Variants in SYT14 observed in about 807,000 individuals in gnomAD.
The protein encoded by SYT14 is synaptotagmin 14.
SYT14 carries 32 observed loss-of-function variants against 74.2 expected under a neutral mutation model. The ratio of observed to expected loss-of-function variants is 0.43; its 90% CI spans 0.33 to 0.58. SYT14 has a LOEUF of 0.58. SYT14 is among the 20% of genes least tolerant of loss of function. SYT14 has a pLI of 0.05. For missense variants in SYT14, 791 were observed against 981.8 expected, an observed-to-expected ratio of 0.81 and a Z score of 2.60; for synonymous variants, 298 against 337.7, an observed-to-expected ratio of 0.88 and a Z score of 1.29.
At chr1:210,143,619 A>T (rs893067518) in intron 7 of SYT14, among the ~76,000 whole-genome samples, 2 of 152,136 alleles carry the variant, frequency 1.3e-5, no homozygotes, top group Non-Finnish European at 2.9e-5. Context: ...GTAAGTTTTG[A>T]CTTAAGTGAA....
At chr1:209,960,099 A>G (rs1451448152) in intron 2 of SYT14, among the ~76,000 whole-genome samples, 2 of 152,178 alleles carry the variant, frequency 1.3e-5, no homozygotes, top group Admixed American at 1.3e-4. Context: ...AGGTGAATGT[A>G]TATACTAATA....
At chr1:210,094,871 A>G (rs1404894531) in intron 6 of SYT14, among the ~76,000 whole-genome samples, 1 of 152,022 alleles carries the variant, frequency 6.6e-6, no homozygotes, top group Non-Finnish European at 1.5e-5. Flanking sequence ...AACATTCTGG[A>G]ATAATTTACC....
exon 4 of SYT14, chr1:210,017,062 T>C: frequency 8.1e-7 from 1 of 1,231,304 alleles, no homozygotes; most frequent in Non-Finnish European, 1.0e-6. Context: ...CAGCAAAGAG[T>C]AAAGATGAAA....
intron 5 of SYT14, among the ~76,000 whole-genome samples, chr1:210,089,668 A>G (rs529561223): frequency 3.3e-5 from 5 of 152,312 alleles, no homozygotes; most frequent in African/African-American, 7.2e-5. Context: ...TTAGATTTCT[A>G]TACATTTTCT....
exon 10 of SYT14, chr1:210,163,623 G>A (rs1439139366): frequency 2.2e-6 from 1 of 453,240 alleles, no homozygotes; most frequent in East Asian, 7.0e-5. Context: ...ATTTGGTTTG[G>A]GTTGCTTTCT....
intron 5 of SYT14, among the ~76,000 whole-genome samples, chr1:210,084,844 A>G (rs2081690140): frequency 6.6e-6 from 1 of 152,250 alleles, no homozygotes; most frequent in South Asian, 2.1e-4. Flanking sequence ...ATAATCTGCC[A>G]TCATTTTTCA....
intron 1 of SYT14, among the ~76,000 whole-genome samples, chr1:209,951,686 A>T (rs561881773): frequency 1.1e-4 from 16 of 152,346 alleles, no homozygotes; most frequent in African/African-American, 3.8e-4. Flanking sequence ...AATTAGTCAC[A>T]GCAAACCCAA....
chr1:210,044,604 C>T (rs1010002979), intron 5 of SYT14, among the ~76,000 whole-genome samples: 2 of 152,148 alleles, frequency 1.3e-5, no homozygotes, highest in African/African-American at 4.8e-5. Flanking sequence ...AAAGCTATCT[C>T]GCTCCTTACA....
intron 5 of SYT14, among the ~76,000 whole-genome samples, chr1:210,055,445 G>A (rs1008539212): frequency 6.6e-6 from 1 of 152,072 alleles, no homozygotes; most frequent in Admixed American, 6.6e-5. Flanking sequence ...CTAAAAAATG[G>A]GAACAGCTAG....
intron 2 of SYT14, among the ~76,000 whole-genome samples, chr1:209,959,642 G>A (rs192498712): frequency 6.6e-6 from 1 of 152,158 alleles, no homozygotes; most frequent in African/African-American, 2.4e-5. Flanking sequence ...TGTTTCACTC[G>A]CAAACAGTGA....
chr1:210,124,032 G>A (rs1183709255), intron 7 of SYT14, among the ~76,000 whole-genome samples: 1 of 152,082 alleles, frequency 6.6e-6, no homozygotes, highest in Admixed American at 6.6e-5. Flanking sequence ...TACGAGGATT[G>A]GCAAACTATG....
intron 7 of SYT14, among the ~76,000 whole-genome samples, chr1:210,131,162 A>AC (rs2082665985): frequency 6.6e-6 from 1 of 152,180 alleles, no homozygotes; most frequent in African/African-American, 2.4e-5. Context: ...CAGTCAGTAA[A>AC]TAATAGTTGT....
At chr1:210,160,805 G>T (rs1255136307) in exon 10 of SYT14, 2 of 1,613,956 alleles carry the variant, frequency 1.2e-6, no homozygotes, top group East Asian at 4.5e-5. Flanking sequence ...TCCGCAGAGG[G>T]CAGCCAAATC....
chr1:210,069,938 A>C (rs1016841294), intron 5 of SYT14, among the ~76,000 whole-genome samples: 8 of 151,988 alleles, frequency 5.3e-5, no homozygotes, highest in African/African-American at 1.4e-4. Context: ...AGGAAAGATC[A>C]CATTATGAAC....
chr1:210,137,531 G>T (rs1393298898), intron 7 of SYT14, among the ~76,000 whole-genome samples: 4 of 151,536 alleles, frequency 2.6e-5, no homozygotes, highest in African/African-American at 9.7e-5. Flanking sequence ...AGAACAACTA[G>T]ATATGTTAAA....
At chr1:210,111,820 G>A (rs973092078) in intron 7 of SYT14, among the ~76,000 whole-genome samples, 5 of 151,402 alleles carry the variant, frequency 3.3e-5, no homozygotes, top group Admixed American at 2.0e-4. Flanking sequence ...GAGTGCCTAA[G>A]GGGGTTCAGC....
intron 2 of SYT14, among the ~76,000 whole-genome samples, chr1:209,975,839 T>TC (rs1310598004): frequency 6.6e-6 from 1 of 152,144 alleles, no homozygotes; most frequent in African/African-American, 2.4e-5. Context: ...GATCCGGGCC[T>TC]TTTTTGGTTG....
chr1:210,081,244 C>T (rs1047309279), intron 5 of SYT14, among the ~76,000 whole-genome samples: 4 of 152,058 alleles, frequency 2.6e-5, no homozygotes, highest in African/African-American at 7.2e-5. Flanking sequence ...GAGTATAGAA[C>T]CGGCTCTGAA....
intron 7 of SYT14, among the ~76,000 whole-genome samples, chr1:210,140,619 A>C (rs1357591433): frequency 2.0e-5 from 3 of 152,080 alleles, no homozygotes; most frequent in African/African-American, 7.2e-5. Context: ...TTCTTCTAGT[A>C]GTTTTATGGT....
Sources: allele counts gnomAD v4.1 joint callset (sites outside exome capture counted in the v4.1 genomes callset), GRCh38; gene constraint gnomAD v4.1.1; transcripts MANE v1.5; gene names NCBI Gene and HGNC (gene_info 2026-07-23, HGNC 2026-07-21).